Variants in TMEM229B observed in about 807,000 individuals in gnomAD.
TMEM229B encodes transmembrane protein 229B, also known as chromosome 14 open reading frame 83.
TMEM229B carries 6 observed loss-of-function variants against 13.7 expected under a neutral mutation model. That is an observed-to-expected ratio of 0.44 (90% CI 0.24 to 0.86). The LOEUF (loss-of-function observed/expected upper bound fraction) is 0.86. Among genes scored for constraint, TMEM229B ranks in the 40% least tolerant of loss-of-function variants. The probability of loss-of-function intolerance (pLI) is 0.23; values close to 1 mark genes in which losing one functional copy is unlikely to be tolerated. For missense variants in TMEM229B, 170 were observed against 236.0 expected (o/e 0.72, Z 1.83); for synonymous variants, 107 against 102.1 (o/e 1.05, Z -0.29).
intron 1 of TMEM229B, among the ~76,000 whole-genome samples, chr14:67,510,706 CA>C (rs1014717210): frequency 6.6e-6 from 1 of 152,136 alleles, no homozygotes; most frequent in African/African-American, 2.4e-5. Flanking sequence ...TGGCTTTGAA[CA>C]GGCCTTTTTG....
At chr14:67,501,204 A>T (rs1244778522) in intron 1 of TMEM229B, among the ~76,000 whole-genome samples, 1 of 152,112 alleles carries the variant, frequency 6.6e-6, no homozygotes, top group East Asian at 1.9e-4. Flanking sequence ...CCCTGAGGAC[A>T]CATCAGTTCA....
chr14:67,531,430 T>C (rs2033445638), intron 1 of TMEM229B, among the ~76,000 whole-genome samples: 1 of 151,898 alleles, frequency 6.6e-6, no homozygotes, highest in Non-Finnish European at 1.5e-5. Context: ...TGCCAAGGGG[T>C]CCTGCTCAGA....
Position 67,473,325 on chromosome 14 carries a change from G to A in TMEM229B, c.*95C>T. On this transcript the variant is annotated 3_prime_UTR_variant, in exon 3 of 3. Transcript: ENST00000554480. The surrounding 1 kb of genome is among the most constrained non-coding windows in gnomAD (Gnocchi z 6.5). ...ATAGGGCTGAGGCTTGGCCGGAGCA[G>A]GGCTTTTGCTGCATGGATGGGGCAA... 6.6e-7 allele frequency: 1 copy of A among 1,516,798 alleles called. No individual in the cohort carries two copies. 94.0% of individuals were successfully genotyped at this position (1,516,798 alleles called of 1,614,324 possible).
At chr14:67,519,719 T>G (rs1451526565), upstream of TMEM229B, among the ~76,000 whole-genome samples, 2 of 151,786 alleles carry the variant, frequency 1.3e-5, no homozygotes, top group African/African-American at 4.8e-5. Context: ...AGTTTGTTTT[T>G]TTTTTTTTTT....
At chr14:67,525,358 A>C (rs2033350304) in intron 1 of TMEM229B, among the ~76,000 whole-genome samples, 1 of 152,204 alleles carries the variant, frequency 6.6e-6, no homozygotes, top group African/African-American at 2.4e-5. Context: ...ATAATTCTTC[A>C]TCATACATTT....
chr14:67,484,377 G>A (rs1024361192), intron 2 of TMEM229B, among the ~76,000 whole-genome samples: 7 of 152,178 alleles, frequency 4.6e-5, no homozygotes, highest in African/African-American at 1.7e-4. Context: ...TAAACAGCTA[G>A]CTGCCTCGGT....
At chr14:67,480,082 C>G (rs764633436) in intron 2 of TMEM229B, among the ~76,000 whole-genome samples, 1 of 152,162 alleles carries the variant, frequency 6.6e-6, no homozygotes, top group Non-Finnish European at 1.5e-5. Context: ...GTTGTGAGGA[C>G]GAATGAACTC....
chr14:67,493,127 G>A (rs2032234119), upstream of TMEM229B, among the ~76,000 whole-genome samples: 1 of 152,224 alleles, frequency 6.6e-6, no homozygotes, highest in Non-Finnish European at 1.5e-5. Flanking sequence ...TGAAGTAGGA[G>A]AAAGTTAGAC....
upstream of TMEM229B, among the ~76,000 whole-genome samples, chr14:67,519,187 G>A (rs1350039537): frequency 2.0e-5 from 3 of 152,162 alleles, no homozygotes; most frequent in Non-Finnish European, 2.9e-5. Flanking sequence ...AAGAGGCTAA[G>A]GAGTGTAAAC....
At chr14:67,502,458 T>TC (rs1253013832) in intron 1 of TMEM229B, among the ~76,000 whole-genome samples, 1 of 147,756 alleles carries the variant, frequency 6.8e-6, no homozygotes, top group East Asian at 2.0e-4. Flanking sequence ...GGTGATTTCT[T>TC]TTTTTTTTTT....
chr14:67,508,761 A>AAAAAAAAAAAAAAAAAC (rs1566698813), intron 1 of TMEM229B, among the ~76,000 whole-genome samples: 6 of 149,624 alleles, frequency 4.0e-5, no homozygotes, highest in African/African-American at 1.5e-4. Context: ...CTCAAAAAAA[A>AAAAAAAAAAAAAAAAAC]AAAAAAAAAA....
chr14:67,523,686 C>T lies in TMEM229B; in HGVS notation c.-192+9950G>A, dbSNP rs2033323513. Among the ~76,000 whole-genome samples, 4 of 152,234 alleles carry T rather than the reference C, an allele frequency of 2.6e-5. No individual in the cohort carries two copies. In the East Asian group the frequency reaches 7.7e-4, roughly 29 times the overall value. Reference sequence around the variant, plus strand: ...TTTGTAGGTTAAACTCTGGCTTTGGCTCAAGATTGACCAGCATTTGTAAAT... The same window carrying T: ...TTTGTAGGTTAAACTCTGGCTTTGGTTCAAGATTGACCAGCATTTGTAAAT... On this transcript the variant is annotated intron_variant, in intron 1 of 2. Coordinates refer to the TMEM229B transcript ENST00000554278.
intron 1 of TMEM229B, among the ~76,000 whole-genome samples, chr14:67,496,016 G>A (rs2032351352): frequency 6.6e-6 from 1 of 152,120 alleles, no homozygotes. Context: ...GCTGTGTGTG[G>A]CCATGTTAGA....
At chr14:67,483,450 T>C (rs1369143221) in intron 2 of TMEM229B, among the ~76,000 whole-genome samples, 1 of 152,284 alleles carries the variant, frequency 6.6e-6, no homozygotes, top group African/African-American at 2.4e-5. Context: ...ACTACCATTT[T>C]CTGAGTTCCT....
At chr14:67,517,350 T>C (rs1160461049), upstream of TMEM229B, among the ~76,000 whole-genome samples, 1 of 152,224 alleles carries the variant, frequency 6.6e-6, no homozygotes, top group Non-Finnish European at 1.5e-5. Context: ...CTTCGGAAGA[T>C]CTGAATTCCT....
intron 2 of TMEM229B, among the ~76,000 whole-genome samples, chr14:67,485,937 C>T (rs1337121987): frequency 6.6e-6 from 1 of 152,238 alleles, no homozygotes; most frequent in Non-Finnish European, 1.5e-5. Context: ...CCCCACCTCC[C>T]AGGGCCCTGG....
intron 1 of TMEM229B, among the ~76,000 whole-genome samples, chr14:67,500,043 A>G (rs1208861666): frequency 1.3e-5 from 2 of 152,146 alleles, no homozygotes; most frequent in Non-Finnish European, 2.9e-5. Context: ...TTTTGCATCA[A>G]AAAAGTGAAT....
At chr14:67,484,573 G>A (rs1273528363) in intron 2 of TMEM229B, among the ~76,000 whole-genome samples, 1 of 152,136 alleles carries the variant, frequency 6.6e-6, no homozygotes, top group African/African-American at 2.4e-5. Context: ...ATGGTATGTT[G>A]TGTAGTCATC....
At chr14:67,533,475 G>C (rs1045007481) in intron 1 of TMEM229B, 4 of 152,010 alleles carry the variant, frequency 2.6e-5, no homozygotes, top group Non-Finnish European at 2.9e-5. Context: ...GCGCGCGGGG[G>C]ACGGCCCCTC....
Sources: allele counts gnomAD v4.1 joint callset (sites outside exome capture counted in the v4.1 genomes callset), GRCh38; gene constraint gnomAD v4.1.1; non-coding constraint Gnocchi (gnomAD v3.1); transcripts MANE v1.5; gene names NCBI Gene and HGNC (gene_info 2026-07-23, HGNC 2026-07-21).